GPD2: variants seen among roughly 807,000 people sequenced by gnomAD.
GPD2 encodes glycerol-3-phosphate dehydrogenase 2.
Under a neutral mutation model 82.4 loss-of-function variants are expected in GPD2, and 54 were observed. The observed-to-expected ratio is 0.66, with a 90% CI of 0.53 to 0.82. The LOEUF (loss-of-function observed/expected upper bound fraction) is 0.82. Ranked by LOEUF, GPD2 falls within the 40% of genes least tolerant of loss-of-function variation. The pLI, the probability that GPD2 is intolerant of heterozygous loss-of-function variation, is 0.00. For missense variants in GPD2, 748 were observed against 896.2 expected, an observed-to-expected ratio of 0.83 and a Z score of 2.11; for synonymous variants, 288 against 306.1, an observed-to-expected ratio of 0.94 and a Z score of 0.62.
intron 3 of GPD2, among the ~76,000 whole-genome samples, chr2:156,506,713 C>G (rs1684796929): frequency 6.6e-6 from 1 of 152,146 alleles, no homozygotes; most frequent in East Asian, 1.9e-4. Flanking sequence ...TTATATGACA[C>G]TGGTCCTCCA....
intron 2 of GPD2, among the ~76,000 whole-genome samples, chr2:156,494,099 G>A (rs1386546217): frequency 2.0e-5 from 3 of 152,114 alleles, no homozygotes; most frequent in African/African-American, 4.8e-5. Flanking sequence ...ATGGTTATTA[G>A]CAGATAATTA....
At chr2:156,559,223 A>G (rs907868706) in intron 9 of GPD2, among the ~76,000 whole-genome samples, 1 of 152,254 alleles carries the variant, frequency 6.6e-6, no homozygotes. Flanking sequence ...TCCAAGATGT[A>G]TTCTCACTTG....
At chr2:156,439,362 C>T (rs1418708499) in intron 1 of GPD2, among the ~76,000 whole-genome samples, 7 of 151,240 alleles carry the variant, frequency 4.6e-5, no homozygotes, top group African/African-American at 1.2e-4. Context: ...GCAGGCAGAT[C>T]GCTTGAGCCC....
At chr2:156,411,764 A>G in the GPD2 span, among the ~76,000 whole-genome samples, 1 of 152,238 alleles carries the variant, frequency 6.6e-6, no homozygotes, top group Middle Eastern at 3.2e-3. Context: ...GTTGTTCTTC[A>G]GAAGGGTAAG....
chr2:156,425,093 T>TG, the GPD2 span, among the ~76,000 whole-genome samples: 4 of 151,594 alleles, frequency 2.6e-5, no homozygotes, highest in Non-Finnish European at 5.9e-5. Flanking sequence ...CATTTTATTT[T>TG]TTTTTTTGTT....
At chr2:156,549,227 A>G (rs912638702) in intron 6 of GPD2, among the ~76,000 whole-genome samples, 2 of 152,216 alleles carry the variant, frequency 1.3e-5, no homozygotes, top group Admixed American at 6.5e-5. Context: ...TGGGGTGTCA[A>G]ATATTCTAAA....
At chr2:156,517,306 A>G (rs1432925075) in intron 6 of GPD2, among the ~76,000 whole-genome samples, 2 of 152,212 alleles carry the variant, frequency 1.3e-5, no homozygotes, top group African/African-American at 4.8e-5. Flanking sequence ...TGTGCATGAC[A>G]TAAGTATGAT....
intron 6 of GPD2, among the ~76,000 whole-genome samples, chr2:156,528,170 A>G (rs960806501): frequency 6.6e-6 from 1 of 152,136 alleles, no homozygotes; most frequent in African/African-American, 2.4e-5. Flanking sequence ...CAGCATTTAA[A>G]TTAATAGATA....
At chr2:156,557,327 A>T in intron 8 of GPD2, 62 bp from the exon 9 acceptor site, 2 of 995,580 alleles carry the variant, frequency 2.0e-6, no homozygotes, top group South Asian at 2.7e-5. Context: ...AGTTTTTCGA[A>T]TGCAGATTAA....
chr2:156,514,511 A>G (rs1242417082), intron 6 of GPD2, among the ~76,000 whole-genome samples: 1 of 151,506 alleles, frequency 6.6e-6, no homozygotes, highest in South Asian at 2.1e-4. Flanking sequence ...ATACTTTGAT[A>G]TTTATACTGA....
the GPD2 span, among the ~76,000 whole-genome samples, chr2:156,405,492 T>G: frequency 1.3e-5 from 2 of 152,174 alleles, no homozygotes; most frequent in African/African-American, 4.8e-5. Flanking sequence ...GGAGCCAAAG[T>G]TGGAGAAACA....
the GPD2 span, among the ~76,000 whole-genome samples, chr2:156,417,954 C>T: frequency 2.0e-5 from 3 of 152,168 alleles, no homozygotes; most frequent in African/African-American, 7.2e-5. Flanking sequence ...CCATGGCTCA[C>T]GCCTCTAATC....
At position 156,570,196 on chromosome 2, in the gene GPD2, A is replaced by G; in HGVS notation, c.1586A>G (p.Glu529Gly). The change falls in exon 12 of 17, where the codon GAA (glutamate) becomes GGA (glycine). Residue 529 changes from glutamate (E) to glycine (G), a missense_variant. By Grantham distance (98) the Glu-to-Gly change is moderately conservative. Transcript: ENST00000438166. Reference sequence around the variant, plus strand: ...ATTGTTGGAGTACGTCTTGTGTCAGAATTTCCATATATTGAAGCAGAGGTA... The same window carrying G: ...ATTGTTGGAGTACGTCTTGTGTCAGGATTTCCATATATTGAAGCAGAGGTA... ...WPIVGVRLVSEFPYIEAEVKY... is the reference protein window; with the variant it reads ...WPIVGVRLVSGFPYIEAEVKY... The G allele has an allele frequency of 6.2e-7, 1 of 1,613,058 alleles. No homozygotes were observed. The highest frequency in any genetic ancestry group is 8.5e-7 in the Non-Finnish European group (1 of 1,179,222).
At chr2:156,568,322 A>C (rs1687465383) in intron 9 of GPD2, among the ~76,000 whole-genome samples, 1 of 152,146 alleles carries the variant, frequency 6.6e-6, no homozygotes, top group African/African-American at 2.4e-5. Flanking sequence ...GGCCTGCTGT[A>C]AACACTCAGG....
intron 13 of GPD2, among the ~76,000 whole-genome samples, chr2:156,573,645 A>G (rs12615570): frequency 0.2 from 29,862 of 152,106 alleles, 3,670 homozygotes; most frequent in South Asian, 0.29. Context: ...ATTTAACTTC[A>G]GTTCATATTT....
At chr2:156,558,777 T>C (rs1687058454) in intron 9 of GPD2, among the ~76,000 whole-genome samples, 1 of 135,502 alleles carries the variant, frequency 7.4e-6, no homozygotes, top group African/African-American at 2.7e-5. Context: ...TTTTTTTTTT[T>C]TTTTTTTTTT....
At chr2:156,570,700 A>C (rs1558967671) in intron 12 of GPD2, among the ~76,000 whole-genome samples, 1 of 152,182 alleles carries the variant, frequency 6.6e-6, no homozygotes, top group Non-Finnish European at 1.5e-5. Flanking sequence ...TGAATTCAGG[A>C]TTCCTATATT....
chr2:156,432,178 G>A (rs298307), upstream of GPD2, among the ~76,000 whole-genome samples: 47,878 of 152,072 alleles, frequency 0.31, 9,027 homozygotes, highest in Middle Eastern at 0.44. Flanking sequence ...ATGAGCCAAC[G>A]TGCCCGGCCA....
chr2:156,514,688 T>C (rs779603251), intron 6 of GPD2, among the ~76,000 whole-genome samples: 135 of 152,164 alleles, frequency 8.9e-4, no homozygotes, highest in Non-Finnish European at 1.6e-3. Flanking sequence ...ATCAACAATA[T>C]TAGAAAAATG....
Sources: allele counts gnomAD v4.1 joint callset (sites outside exome capture counted in the v4.1 genomes callset), GRCh38; gene constraint gnomAD v4.1.1; transcripts MANE v1.5; gene names NCBI Gene and HGNC (gene_info 2026-07-23, HGNC 2026-07-21).